The following PDGFC variants were observed in gnomAD, a reference collection of about 807,000 sequenced individuals.
PDGFC encodes platelet-derived growth factor C.
PDGFC carries 12 observed loss-of-function variants against 35.5 expected under a neutral mutation model. The observed-to-expected ratio is 0.34, with a 90% CI of 0.22 to 0.55. The LOEUF (loss-of-function observed/expected upper bound fraction) is 0.55, where lower values mean the gene tolerates loss of function less well. Among genes scored for constraint, PDGFC ranks in the 20% least tolerant of loss-of-function variants. PDGFC has a pLI of 0.91. For missense variants in PDGFC, 322 were observed against 412.4 expected, an observed-to-expected ratio of 0.78 and a Z score of 1.90; for synonymous variants, 159 against 148.8, an observed-to-expected ratio of 1.07 and a Z score of -0.50.
chr4:156,872,271 T>C (rs749515590), intron 1 of PDGFC, among the ~76,000 whole-genome samples: 2 of 152,190 alleles, frequency 1.3e-5, no homozygotes, highest in Non-Finnish European at 2.9e-5. Context: ...GGCAAAGATG[T>C]GGATTTCTGA....
intron 1 of PDGFC, among the ~76,000 whole-genome samples, chr4:156,952,088 A>G (rs1356413024): frequency 6.6e-6 from 1 of 151,858 alleles, no homozygotes; most frequent in East Asian, 1.9e-4. Context: ...ATAAGACACA[A>G]TATATTTAGG....
chr4:156,966,147 A>T (rs1732461227), intron 1 of PDGFC, among the ~76,000 whole-genome samples: 1 of 152,194 alleles, frequency 6.6e-6, no homozygotes, highest in Non-Finnish European at 1.5e-5. Context: ...GAGATTTAAA[A>T]AATGGGAGAT....
chr4:156,781,360 T>G (rs781429517), intron 3 of PDGFC, among the ~76,000 whole-genome samples: 28 of 152,210 alleles, frequency 1.8e-4, no homozygotes, highest in Non-Finnish European at 3.5e-4. Flanking sequence ...CATTGTTGTC[T>G]GAATTAAATA....
chr4:156,761,721 A>T lies in PDGFC; in HGVS notation c.*1369T>A, dbSNP rs1318651379. On this transcript the variant is annotated 3_prime_UTR_variant, in exon 6 of 6. Coordinates refer to ENST00000502773, the MANE Select transcript of PDGFC (RefSeq NM_016205.3). Reference sequence around the variant, plus strand: ...CGATATTAAGCATTTTACAAGCAAAATATTTTACTGATTTTCTTTTAAATT... The same window carrying T: ...CGATATTAAGCATTTTACAAGCAAATTATTTTACTGATTTTCTTTTAAATT... 6.6e-6 allele frequency: 1 copy of T among 152,648 alleles called. No individual in the cohort carries two copies. Among genetic ancestry groups the T allele is most frequent in the Admixed American group, 6.5e-5 (1 of 15,276 alleles). The allele number at this position is 152,648 out of a possible 1,614,324, so 9.5% of individuals were successfully genotyped here.
At chr4:156,913,109 G>T (rs1033018807) in intron 1 of PDGFC, among the ~76,000 whole-genome samples, 1 of 152,078 alleles carries the variant, frequency 6.6e-6, no homozygotes. Flanking sequence ...TCTTCAAGGA[G>T]TGAATGACAT....
At chr4:156,780,754 G>C (rs1057224050) in intron 3 of PDGFC, among the ~76,000 whole-genome samples, 1 of 152,144 alleles carries the variant, frequency 6.6e-6, no homozygotes, top group East Asian at 1.9e-4. Context: ...ACTGCTTTGA[G>C]GGGAAAAATG....
chr4:156,782,937 T>C (rs974288545), intron 3 of PDGFC, among the ~76,000 whole-genome samples: 4 of 152,178 alleles, frequency 2.6e-5, no homozygotes, highest in Non-Finnish European at 4.4e-5. Context: ...TATCTCTTGA[T>C]GGAAAAACCT....
At chr4:156,941,883 T>C (rs929479678) in intron 1 of PDGFC, among the ~76,000 whole-genome samples, 3 of 151,916 alleles carry the variant, frequency 2.0e-5, no homozygotes, top group African/African-American at 7.3e-5. Flanking sequence ...AAAGTAAAAA[T>C]TGAACAGGAA....
At chr4:156,954,988 T>A (rs999899335) in intron 1 of PDGFC, among the ~76,000 whole-genome samples, 3 of 151,982 alleles carry the variant, frequency 2.0e-5, no homozygotes, top group Non-Finnish European at 4.4e-5. Flanking sequence ...ACTTGAAAAT[T>A]ATGGGAGATT....
At chr4:156,902,703 G>A (rs980136378) in intron 1 of PDGFC, among the ~76,000 whole-genome samples, 1 of 151,990 alleles carries the variant, frequency 6.6e-6, no homozygotes, top group African/African-American at 2.4e-5. Flanking sequence ...TTGATGAACC[G>A]GTGGTTAACA....
At chr4:156,881,279 G>T (rs1730234670) in intron 1 of PDGFC, among the ~76,000 whole-genome samples, 1 of 151,104 alleles carries the variant, frequency 6.6e-6, no homozygotes, top group Admixed American at 6.6e-5. Flanking sequence ...GCAATAAAGT[G>T]TTTTTTTTTA....
chr4:156,881,279 GT>G (rs1046510536), intron 1 of PDGFC, among the ~76,000 whole-genome samples: 4 of 151,098 alleles, frequency 2.6e-5, no homozygotes, highest in East Asian at 1.9e-4. Context: ...GCAATAAAGT[GT>G]TTTTTTTTAC....
At chr4:156,848,006 C>T (rs1402271872) in intron 2 of PDGFC, among the ~76,000 whole-genome samples, 1 of 151,698 alleles carries the variant, frequency 6.6e-6, no homozygotes, top group South Asian at 2.1e-4. Context: ...CTATTGGATA[C>T]CCTCCTGAAA....
At chr4:156,969,633 A>G (rs1441713152) in intron 1 of PDGFC, among the ~76,000 whole-genome samples, 1 of 152,234 alleles carries the variant, frequency 6.6e-6, no homozygotes, top group East Asian at 1.9e-4. Context: ...AGGAAAAAAA[A>G]TCACTCTGAC....
At chr4:156,768,043 G>A in intron 4 of PDGFC, 53 bp from the exon 5 acceptor site, 1 of 1,033,960 alleles carries the variant, frequency 9.7e-7, no homozygotes, top group East Asian at 2.4e-5. Flanking sequence ...CTTTGAGCCT[G>A]AATGTATTTC....
At position 156,761,512 on chromosome 4, in the gene PDGFC, T is replaced by G. The variant is rs553186706; in HGVS notation, c.*1578A>C. 1.3e-5 allele frequency: 2 copies of G among 152,384 alleles called. No individual in the cohort carries two copies. The highest frequency in any genetic ancestry group is 4.1e-4 in the South Asian group (2 of 4,834). The allele number at this position is 152,384 out of a possible 1,614,324, so 9.4% of individuals were successfully genotyped here. ...AGGTATCTTCCCTTTTTTTGTCTTT[T>G]GAATTGACATATGCTTTTGCTAAAT... On this transcript the variant is annotated 3_prime_UTR_variant, in exon 6 of 6. Coordinates refer to ENST00000502773, the MANE Select transcript of PDGFC (RefSeq NM_016205.3).
At chr4:156,774,100 T>A (rs1407823091) in intron 3 of PDGFC, among the ~76,000 whole-genome samples, 1 of 152,142 alleles carries the variant, frequency 6.6e-6, no homozygotes, top group African/African-American at 2.4e-5. Flanking sequence ...CTATGATGAA[T>A]TTGGACAAAT....
rs141435088 is a variant in PDGFC at position 156,887,943 on chromosome 4, C to T, written c.119-37527G>A. Among the ~76,000 whole-genome samples the T allele has an allele frequency of 1.1e-3, 163 of 149,082 alleles. 4 individuals are homozygous for T. The East Asian group carries it at 0.029, about 26-fold the overall frequency. ...GCTTGAGCCCAGGAGGTTGAGGCTG[C>T]AGTGAGCTGAGATCCTGCCACTGCA... On this transcript the variant is annotated intron_variant, in intron 1 of 5. Coordinates refer to ENST00000502773, the MANE Select transcript of PDGFC (RefSeq NM_016205.3).
intron 2 of PDGFC, among the ~76,000 whole-genome samples, chr4:156,838,127 A>T (rs1446176846): frequency 6.6e-6 from 1 of 152,238 alleles, no homozygotes; most frequent in African/African-American, 2.4e-5. Context: ...CTGTGTCCAG[A>T]AGTGCGCGTA....
Sources: gnomAD v4.1 joint callset for allele counts (sites outside exome capture counted in the v4.1 genomes callset) on GRCh38, gnomAD v4.1.1 for gene constraint, MANE v1.5 for transcripts, NCBI Gene and HGNC (gene_info 2026-07-23, HGNC 2026-07-21) for gene names.